Variants in MTMR6 observed in about 807,000 individuals in gnomAD.
MTMR6 encodes myotubularin related protein 6.
A neutral mutation model predicts 80.1 loss-of-function variants in MTMR6; 47 were observed. That is an observed-to-expected ratio of 0.59 (90% confidence interval 0.46 to 0.75). The LOEUF (loss-of-function observed/expected upper bound fraction) is 0.75, where lower values mean the gene tolerates loss of function less well. Ranked by LOEUF, MTMR6 falls within the 30% of genes least tolerant of loss-of-function variation. MTMR6 has a pLI of 0.00. For missense variants in MTMR6, 629 were observed against 730.9 expected (o/e 0.86, Z 1.61); for synonymous variants, 254 against 253.0 (o/e 1.00, Z -0.04).
chr13:25,279,145 C>A (rs898391418), intron 1 of MTMR6, among the ~76,000 whole-genome samples: 2 of 152,132 alleles, frequency 1.3e-5, no homozygotes, highest in African/African-American at 4.8e-5. Context: ...TATGGTTTGG[C>A]TCTGTGTCCC....
chr13:25,273,995 T>C, intron 2 of MTMR6, 76 bp downstream of exon 2: 1 of 1,065,626 alleles, frequency 9.4e-7, no homozygotes, highest in Admixed American at 2.3e-5. Flanking sequence ...AATTGTGTTA[T>C]ACACATTCAA....
At chr13:25,284,716 T>C (rs941646013) in intron 1 of MTMR6, among the ~76,000 whole-genome samples, 2 of 152,246 alleles carry the variant, frequency 1.3e-5, no homozygotes, top group African/African-American at 4.8e-5. Flanking sequence ...CTATGCATAA[T>C]GGAAACAAAA....
rs140681516 is a variant in MTMR6 at position 25,280,872 on chromosome 13, C to T, written c.24+6352G>A. ...TGGTGAGGAATGGTAAATGCCAACACACATTACTTTAAGGACTATTTAGTT... is the reference window on the plus strand; with the variant it reads ...TGGTGAGGAATGGTAAATGCCAACATACATTACTTTAAGGACTATTTAGTT... On this transcript the variant is annotated intron_variant, in intron 1 of 13. Coordinates refer to ENST00000381801, the MANE Select transcript of MTMR6 (RefSeq NM_004685.5). Among the ~76,000 whole-genome samples the T allele has an allele frequency of 2.2e-3, 329 of 152,338 alleles. 4 individuals carry two copies. The highest frequency in any genetic ancestry group is 7.5e-3 in the African/African-American group (312 of 41,576).
intron 2 of MTMR6, among the ~76,000 whole-genome samples, chr13:25,272,513 G>A (rs987677613): frequency 6.6e-6 from 1 of 151,932 alleles, no homozygotes; most frequent in Non-Finnish European, 1.5e-5. Flanking sequence ...TGATTCTGAG[G>A]TTTGAGCTTT....
intron 11 of MTMR6, among the ~76,000 whole-genome samples, chr13:25,253,133 C>A (rs1957124946): frequency 6.6e-6 from 1 of 152,086 alleles, no homozygotes; most frequent in Non-Finnish European, 1.5e-5. Flanking sequence ...ACCCCTATCC[C>A]CGAAGACTGG....
chr13:25,261,695 A>G lies in MTMR6; in HGVS notation c.699T>C (p.Tyr233=). 6.2e-7 allele frequency: 1 copy of G among 1,613,626 alleles called. No individual in the cohort carries two copies. Among genetic ancestry groups the G allele is most frequent in the Middle Eastern group, 1.6e-4 (1 of 6,062 alleles). ...TTGGCCTGGTATCCATGACGTACAT[A>G]TAGCGATTGACTGGATTGGCTTTAC... ...AISKANPVNR[Y]MYVMDTRPKL... is the part of the protein sequence containing the mutation. The change falls in exon 6 of 14, where the codon TAT becomes TAC. Residue 233 remains tyrosine, a synonymous_variant. Coordinates refer to ENST00000381801, the MANE Select transcript of MTMR6 (RefSeq NM_004685.5).
Position 25,258,630 on chromosome 13 carries a change from A to G in MTMR6, c.789T>C (p.Asn263=), listed in dbSNP as rs1017353377. 1 of 1,598,644 alleles carries G rather than the reference A, an allele frequency of 6.3e-7. No homozygotes were observed. Among genetic ancestry groups the G allele is most frequent in the African/African-American group, 1.3e-5 (1 of 74,192 alleles). The change falls in exon 7 of 14, where the codon AAT becomes AAC. Residue 263 remains asparagine (N), a synonymous_variant. Transcript: ENST00000381801. The part of the protein sequence containing the change: ...KGYENEDNYS[N]IRFQFVGIEN... ...CAATTCCAACAAACTGAAATCTAAT[A>G]TTGGAATAGTTGTCTTCATTTTCAT...
At chr13:25,281,659 C>T (rs1347926390) in intron 1 of MTMR6, among the ~76,000 whole-genome samples, 2 of 152,186 alleles carry the variant, frequency 1.3e-5, no homozygotes, top group Non-Finnish European at 2.9e-5. Context: ...TGCACCATCA[C>T]TGTTCCTCTG....
Position 25,257,229 on chromosome 13 carries a change from C to A in MTMR6, c.1062G>T (p.Leu354Phe). The change falls in exon 9 of 14, where the codon TTG becomes TTT. Residue 354 changes from leucine to phenylalanine, a missense_variant. Coordinates refer to ENST00000381801, the MANE Select transcript of MTMR6 (RefSeq NM_004685.5). ...SQVCSLGSLL[L>F]DSYYRTIKGF... ...CTTTGATTGTCCTGTAGTAGGAATC[C>A]AATAAAAGAGAACCCAGGGAACAAA... 6.2e-7 allele frequency: 1 copy of A among 1,613,766 alleles called. No homozygotes were observed. Among genetic ancestry groups the A allele is most frequent in the Non-Finnish European group, 8.5e-7 (1 of 1,179,828 alleles).
intron 1 of MTMR6, among the ~76,000 whole-genome samples, chr13:25,280,254 CTT>C (rs1200773256): frequency 3.3e-5 from 5 of 152,308 alleles, no homozygotes; most frequent in African/African-American, 1.2e-4. Flanking sequence ...CATAAACCAA[CTT>C]ATATTCAAAT....
At chr13:25,285,346 T>A (rs1957932321) in intron 1 of MTMR6, among the ~76,000 whole-genome samples, 1 of 151,944 alleles carries the variant, frequency 6.6e-6, no homozygotes, top group African/African-American at 2.4e-5. Context: ...TTGCTCTAGT[T>A]GATCAGATTC....
chr13:25,267,175 A>G (rs903775805), intron 3 of MTMR6, among the ~76,000 whole-genome samples: 5 of 140,676 alleles, frequency 3.6e-5, no homozygotes, highest in Non-Finnish European at 7.5e-5. Flanking sequence ...TGAACCTGGG[A>G]GGCGGAGGTT....
Position 25,274,193 on chromosome 13 carries a change from A to C in MTMR6, c.25-6T>G, listed in dbSNP as rs1957652058. 1 of 1,546,716 alleles carries C rather than the reference A, an allele frequency of 6.5e-7. No homozygotes were observed. The highest frequency in any genetic ancestry group is 1.8e-5 in the Admixed American group (1 of 56,496). ...AGTAATTTTACTTGTTCGACCTAAA[A>C]GAAAAAAAGATATTATTTCTCATTT... is the stretch of plus-strand genomic sequence containing the variant. On this transcript the variant is annotated splice_polypyrimidine_tract_variant and splice_region_variant and intron_variant, in intron 1 of 13. Transcript: ENST00000381801.
At chr13:25,255,615 C>T (rs1164488014) in intron 9 of MTMR6, among the ~76,000 whole-genome samples, 2 of 152,162 alleles carry the variant, frequency 1.3e-5, no homozygotes, top group Non-Finnish European at 2.9e-5. Flanking sequence ...CCTCCGCCTC[C>T]TGGGTTCAAG....
chr13:25,279,863 A>G (rs116358650), intron 1 of MTMR6, among the ~76,000 whole-genome samples: 20 of 152,382 alleles, frequency 1.3e-4, no homozygotes, highest in African/African-American at 4.6e-4. Flanking sequence ...ATGTTAAGGT[A>G]CAAAATCTGT....
At chr13:25,282,059 G>A (rs1374951471) in intron 1 of MTMR6, among the ~76,000 whole-genome samples, 4 of 152,068 alleles carry the variant, frequency 2.6e-5, no homozygotes, top group Non-Finnish European at 5.9e-5. Context: ...CTTCTACTGT[G>A]CTCTTCTTCA....
intron 3 of MTMR6, among the ~76,000 whole-genome samples, chr13:25,267,544 C>T (rs1392640361): frequency 6.6e-6 from 1 of 152,166 alleles, no homozygotes; most frequent in Non-Finnish European, 1.5e-5. Context: ...TTTTGTAAGT[C>T]TCTACTATAA....
chr13:25,257,421 T>C (rs1308836673), intron 8 of MTMR6, 100 bp from the exon 9 acceptor site: 2 of 1,358,002 alleles, frequency 1.5e-6, no homozygotes, highest in South Asian at 2.9e-5. Context: ...AAGGAAGTGC[T>C]ATGCCTGCAA....
chr13:25,257,262 A>G lies in MTMR6; in HGVS notation c.1029T>C (p.Thr343=). Residue 343 remains threonine (T), a synonymous_variant, in exon 9 of 14, where the codon ACT becomes ACC. Transcript: ENST00000381801. ...LVHCSDGWDR[T]SQVCSLGSLL... is the part of the protein sequence containing the mutation. ...GAGAACCCAGGGAACAAACCTGGGAAGTCCTATCCCAACCATCGGAACAAT... is the reference window on the plus strand; with the variant it reads ...GAGAACCCAGGGAACAAACCTGGGAGGTCCTATCCCAACCATCGGAACAAT... 1 of 1,613,680 alleles carries G rather than the reference A, an allele frequency of 6.2e-7. No individual in the cohort carries two copies. The highest frequency in any genetic ancestry group is 2.2e-5 in the East Asian group (1 of 44,888).
Sources: allele counts gnomAD v4.1 joint callset (sites outside exome capture counted in the v4.1 genomes callset), GRCh38; gene constraint gnomAD v4.1.1; transcripts MANE v1.5; gene names NCBI Gene and HGNC (gene_info 2026-07-23, HGNC 2026-07-21).